The following HSD11B1L variants were observed in gnomAD, a reference collection of about 807,000 sequenced individuals.
HSD11B1L encodes hydroxysteroid 11-beta-dehydrogenase 1-like protein.
A neutral mutation model predicts 27.0 loss-of-function variants in HSD11B1L; 22 were observed. The observed-to-expected ratio is 0.81, with a 90% CI of 0.58 to 1.16. HSD11B1L has a LOEUF of 1.16. Ranked by LOEUF, HSD11B1L falls within the 50% of genes most tolerant of loss-of-function variation. HSD11B1L has a pLI of 0.00. For missense variants in HSD11B1L, 372 were observed against 401.8 expected (o/e 0.93, Z 0.63); for synonymous variants, 187 against 189.2 (o/e 0.99, Z 0.09).
At position 5,684,816 on chromosome 19, in the gene HSD11B1L, C is replaced by A; in HGVS notation, c.-14-3C>A. 6.2e-7 allele frequency: 1 copy of A among 1,613,634 alleles called. No individual in the cohort carries two copies. The highest frequency in any genetic ancestry group is 8.5e-7 in the Non-Finnish European group (1 of 1,179,958). On this transcript the variant is annotated splice_polypyrimidine_tract_variant and splice_region_variant and intron_variant, in intron 1 of 7. Coordinates refer to ENST00000339423, the MANE Select transcript of HSD11B1L (RefSeq NM_198706.3). Reference sequence around the variant, plus strand: ...GCCACCTCTGTCCCCTGTCCCTCTGCAGGCCCACACAGGACCATGAAGGTG... The same window carrying A: ...GCCACCTCTGTCCCCTGTCCCTCTGAAGGCCCACACAGGACCATGAAGGTG...
At position 5,687,747 on chromosome 19, in the gene HSD11B1L, C is replaced by A; in HGVS notation, c.669-6C>A. ...CGCAGTCCCCACCGTGCCCTCCTGT[C>A]CCCAGGGGAGTCACGAGGGTCAAGG... is the stretch of plus-strand genomic sequence containing the variant. On this transcript the variant is annotated splice_polypyrimidine_tract_variant and splice_region_variant and intron_variant, in intron 7 of 7. Coordinates refer to ENST00000339423, the MANE Select transcript of HSD11B1L (RefSeq NM_198706.3). This position sits in a 1 kb window ranked among gnomAD's most constrained non-coding sequence, Gnocchi z 6.6. 3 of 1,487,418 alleles carry A rather than the reference C, an allele frequency of 2.0e-6. No homozygotes were observed. Among genetic ancestry groups the A allele is most frequent in the South Asian group, 2.7e-5 (2 of 73,978 alleles). 92.1% of individuals were successfully genotyped at this position (1,487,418 alleles called of 1,614,324 possible).
chr19:5,682,380 G>A (rs958417000), intron 1 of HSD11B1L, among the ~76,000 whole-genome samples: 7 of 152,128 alleles, frequency 4.6e-5, no homozygotes, highest in South Asian at 2.1e-4. Context: ...GGTCAGGCCC[G>A]GGGTAGGGTC....
rs115555733 is a variant in HSD11B1L, at chr19:5,683,763, G to A, written c.-14-1056G>A. On this transcript the variant is annotated intron_variant, in intron 1 of 7. Coordinates refer to ENST00000339423, the MANE Select transcript of HSD11B1L (RefSeq NM_198706.3). ...GATGATTAGTTGGGTGTGCTGGTGC[G>A]CCCACCTGTAGTCCCAGCTGCTCCA... Among the ~76,000 whole-genome samples the A allele has an allele frequency of 3.0e-3, 451 of 151,930 alleles. 1 individual carries two copies. Among genetic ancestry groups the A allele is most frequent in the African/African-American group, 0.011 (436 of 41,438 alleles).
chr19:5,687,229 C>T lies in HSD11B1L; in HGVS notation c.409-53C>T. 1.3e-6 allele frequency: 2 copies of T among 1,584,362 alleles called. No individual in the cohort carries two copies. Among genetic ancestry groups the T allele is most frequent in the Non-Finnish European group, 1.7e-6 (2 of 1,160,900 alleles). On this transcript the variant is annotated intron_variant, in intron 5 of 7. Coordinates refer to ENST00000339423, the MANE Select transcript of HSD11B1L (RefSeq NM_198706.3). The surrounding 1 kb of genome is among the most constrained non-coding windows in gnomAD (Gnocchi z 6.6). ...GCCCCGCCCTCTGGGTTTCTGGCCCCGCCCTGCCCCTGGGCTCCGCCTCTG... is the reference window on the plus strand; with the variant it reads ...GCCCCGCCCTCTGGGTTTCTGGCCCTGCCCTGCCCCTGGGCTCCGCCTCTG...
rs1281550956 is a variant in HSD11B1L, at chr19:5,687,959, C to T, written c.*14C>T. ...GCGGCAGCCTGAGCACCGGGGGGTG[C>T]CCCTCCAGTCCCAGACGGCAATGTT... On this transcript the variant is annotated 3_prime_UTR_variant, in exon 8 of 8. Coordinates refer to ENST00000339423, the MANE Select transcript of HSD11B1L (RefSeq NM_198706.3). This position sits in a 1 kb window ranked among gnomAD's most constrained non-coding sequence, Gnocchi z 6.6. The T allele has an allele frequency of 1.3e-6, 2 of 1,556,514 alleles. No individual in the cohort carries two copies. The highest frequency in any genetic ancestry group is 1.4e-5 in the African/African-American group (1 of 73,228).
rs1326764918 is a variant in HSD11B1L, at chr19:5,688,105, G to A, written c.*160G>A. The A allele has an allele frequency of 1.9e-6, 3 of 1,551,528 alleles. No individual in the cohort carries two copies. Among genetic ancestry groups the A allele is most frequent in the Non-Finnish European group, 2.6e-6 (3 of 1,146,996 alleles). ...AAACCGAGAAAAACGACGGGCACCT[G>A]GAACCAGTCACGGCTTGGGAGGTGC... On this transcript the variant is annotated 3_prime_UTR_variant, in exon 8 of 8. Transcript: ENST00000339423.
rs751084300 is a variant in HSD11B1L, at chr19:5,685,134, G to C, written c.204+15G>C. On this transcript the variant is annotated intron_variant, in intron 3 of 7. Transcript: ENST00000339423. This position sits in a 1 kb window ranked among gnomAD's most constrained non-coding sequence, Gnocchi z 4.3. Reference sequence around the variant, plus strand: ...TCCTGCAGAAGGTGAGCCACCCCATGTCTAGATGAATGGTGGGGGTGCTCA... The same window carrying C: ...TCCTGCAGAAGGTGAGCCACCCCATCTCTAGATGAATGGTGGGGGTGCTCA... 128 of 1,543,708 alleles carry C rather than the reference G, an allele frequency of 8.3e-5. No homozygotes were observed. The highest frequency in any genetic ancestry group is 1.8e-4 in the Admixed American group (9 of 50,984).
chr19:5,688,152 T>G lies in HSD11B1L; in HGVS notation c.*207T>G. 6.4e-7 allele frequency: 1 copy of G among 1,550,948 alleles called. No homozygotes were observed. Among genetic ancestry groups the G allele is most frequent in the Non-Finnish European group, 8.7e-7 (1 of 1,146,946 alleles). On this transcript the variant is annotated 3_prime_UTR_variant, in exon 8 of 8. Transcript: ENST00000339423. Reference sequence around the variant, plus strand: ...GTGCAGGTGCCCCGTGTTAGGCGCCTTTGTCGGGGACTTGCAAGGCCTCAC... The same window carrying G: ...GTGCAGGTGCCCCGTGTTAGGCGCCGTTGTCGGGGACTTGCAAGGCCTCAC...
Position 5,685,000 on chromosome 19 carries a change from G to A in HSD11B1L, c.85G>A (p.Gly29Arg). The change falls in exon 3 of 8, where the codon GGA becomes AGA. Residue 29 changes from glycine to arginine, a missense_variant. Physicochemically the swap from Gly to Arg is moderately radical, Grantham distance 125. Transcript: ENST00000339423. ...CCGGCTATGGCCAGCCAGCCTCCAG[G>A]GAGCGCGAGTGCTGCTGACAGGGGC... is the stretch of plus-strand genomic sequence containing the variant. ...DDNFDPASLQ[G>R]ARVLLTGANA... 6.2e-7 allele frequency: 1 copy of A among 1,603,454 alleles called. No homozygotes were observed. The highest frequency in any genetic ancestry group is 8.5e-7 in the Non-Finnish European group (1 of 1,174,982).
intron 4 of HSD11B1L, 139 bp from the exon 5 acceptor site, chr19:5,686,760 TG>T: frequency 1.3e-6 from 1 of 743,474 alleles, no homozygotes; most frequent in Non-Finnish European, 2.2e-6. Context: ...AGGCCAAGGC[TG>T]GGTGTCTTTG....
chr19:5,688,455 A>G lies in HSD11B1L; in HGVS notation c.*510A>G. 3.9e-6 allele frequency: 2 copies of G among 519,168 alleles called. No homozygotes were observed. Among genetic ancestry groups the G allele is most frequent in the South Asian group, 5.1e-5 (2 of 38,936 alleles). The allele number at this position is 519,168 out of a possible 1,614,324, so 32.2% of individuals were successfully genotyped here. A position where few individuals can be genotyped will look rare whatever the true frequency, so the allele number is the denominator to read the frequency against. On this transcript the variant is annotated 3_prime_UTR_variant, in exon 8 of 8. Transcript: ENST00000339423. ...GTGGCAGGGTCTGAGCGGGAGGAGG[A>G]GGGAAAGAGTGTGTTCTGAGCTGGA... is the stretch of plus-strand genomic sequence containing the variant.
At chr19:5,682,545 T>C (rs1436968338) in intron 1 of HSD11B1L, among the ~76,000 whole-genome samples, 2 of 152,000 alleles carry the variant, frequency 1.3e-5, no homozygotes, top group Non-Finnish European at 2.9e-5. Context: ...GTCTCCCATT[T>C]AGGGACAGGG....
rs761810402 is a variant in HSD11B1L at position 5,687,513 on chromosome 19, C to G, written c.513C>G (p.Pro171=). ...VVVSSLLGRV[P]TSFSTPYSAA... ...CGTCCGCGCCCCCAGGCCGCGTGCC[C>G]ACGTCGTTCTCCACTCCCTACTCGG... The change falls in exon 7 of 8, where the codon CCC becomes CCG. Residue 171 remains proline (P), a synonymous_variant. Coordinates refer to ENST00000339423, the MANE Select transcript of HSD11B1L (RefSeq NM_198706.3). The surrounding 1 kb of genome is among the most constrained non-coding windows in gnomAD (Gnocchi z 6.6). 2.5e-6 allele frequency: 4 copies of G among 1,597,996 alleles called. No individual in the cohort carries two copies. Among genetic ancestry groups the G allele is most frequent in the Middle Eastern group, 3.4e-4 (2 of 5,858 alleles).
At chr19:5,686,663 C>A in intron 4 of HSD11B1L, 136 bp downstream of exon 4, 1 of 704,940 alleles carries the variant, frequency 1.4e-6, no homozygotes, top group Non-Finnish European at 2.3e-6. Flanking sequence ...GGGGCGTGGG[C>A]GGGGTGGAGT....
intron 1 of HSD11B1L, among the ~76,000 whole-genome samples, chr19:5,682,125 CAG>C (rs1291461597): frequency 6.6e-6 from 1 of 152,182 alleles, no homozygotes; most frequent in East Asian, 1.9e-4. Context: ...GACAGGTAGT[CAG>C]GGGCTATACC....
Position 5,687,707 on chromosome 19 carries a change from T to G in HSD11B1L, c.668+39T>G. On this transcript the variant is annotated intron_variant, in intron 7 of 7. Transcript: ENST00000339423. The surrounding 1 kb of genome is among the most constrained non-coding windows in gnomAD (Gnocchi z 6.6). ...AAGCTGGGGGCTGGGCTGGGGGCCA[T>G]GGCCCAGCCCCAGCCGCAGTCCCCA... is the stretch of plus-strand genomic sequence containing the variant. 1 of 1,527,762 alleles carries G rather than the reference T, an allele frequency of 6.5e-7. No homozygotes were observed. Among genetic ancestry groups the G allele is most frequent in the Non-Finnish European group, 8.8e-7 (1 of 1,141,860 alleles). The allele number at this position is 1,527,762 out of a possible 1,614,324, so 94.6% of individuals were successfully genotyped here. A position where few individuals can be genotyped will look rare whatever the true frequency, so the allele number is the denominator to read the frequency against.
Position 5,684,916 on chromosome 19 carries a change from G to C in HSD11B1L, c.73+11G>C. ...ACAACTTCGACCCAGGTGAGCACCT[G>C]GGGTTGAGGGAGGGAGAAACCGGGC... On this transcript the variant is annotated intron_variant, in intron 2 of 7. Transcript: ENST00000339423. 1 of 1,613,398 alleles carries C rather than the reference G, an allele frequency of 6.2e-7. No homozygotes were observed.
At position 5,687,375 on chromosome 19, in the gene HSD11B1L, G is replaced by C; in HGVS notation, c.502G>C (p.Gly168Arg). ...CCTGGTGGTGGTGTCCTCGCTGCTC[G>C]GTGCGTGCACCCGGCCCCGGCTCTG... Reference protein sequence around the residue: ...GSLVVVSSLLGRVPTSFSTPY... With the variant: ...GSLVVVSSLLRRVPTSFSTPY... Residue 168 changes from glycine (G) to arginine (R), a missense_variant and splice_region_variant, in exon 6 of 8, where the codon GGC (glycine) becomes CGC (arginine). Transcript: ENST00000339423. The surrounding 1 kb of genome is among the most constrained non-coding windows in gnomAD (Gnocchi z 6.6). 6.2e-7 allele frequency: 1 copy of C among 1,611,550 alleles called. No individual in the cohort carries two copies.
Position 5,687,376 on chromosome 19 carries a change from G to C in HSD11B1L, c.502+1G>C, listed in dbSNP as rs1355134226. ...CTGGTGGTGGTGTCCTCGCTGCTCGGTGCGTGCACCCGGCCCCGGCTCTGC... is the reference window on the plus strand; with the variant it reads ...CTGGTGGTGGTGTCCTCGCTGCTCGCTGCGTGCACCCGGCCCCGGCTCTGC... On this transcript the variant is annotated splice_donor_variant, in intron 6 of 7. Coordinates refer to ENST00000339423, the MANE Select transcript of HSD11B1L (RefSeq NM_198706.3). LOFTEE classifies it high-confidence loss of function. This position sits in a 1 kb window ranked among gnomAD's most constrained non-coding sequence, Gnocchi z 6.6. The C allele has an allele frequency of 6.2e-7, 1 of 1,611,516 alleles. No individual in the cohort carries two copies. Among genetic ancestry groups the C allele is most frequent in the Non-Finnish European group, 8.5e-7 (1 of 1,179,546 alleles).
Sources: gnomAD v4.1 joint callset for allele counts (sites outside exome capture counted in the v4.1 genomes callset) on GRCh38, gnomAD v4.1.1 for gene constraint, Gnocchi (gnomAD v3.1) non-coding constraint, MANE v1.5 for transcripts, NCBI Gene and HGNC (gene_info 2026-07-23, HGNC 2026-07-21) for gene names.